PEAK1: variants seen among roughly 807,000 people sequenced by gnomAD.
The protein encoded by PEAK1 is inactive tyrosine-protein kinase PEAK1.
In PEAK1, 54 loss-of-function variants were observed where a neutral mutation model predicts 124.7. The observed-to-expected ratio is 0.43, with a 90% confidence interval of 0.35 to 0.54. The LOEUF is 0.54. Ranked by LOEUF, PEAK1 falls within the 20% of genes least tolerant of loss-of-function variation. The pLI is 0.01. For missense variants in PEAK1, 2,046 were observed against 2,134.5 expected, an observed-to-expected ratio of 0.96 and a Z score of 0.82; for synonymous variants, 719 against 760.0, an observed-to-expected ratio of 0.95 and a Z score of 0.89.
In PEAK1 at chr15:77,229,321, T is replaced by A. The variant is rs149761682; in HGVS notation, c.-115+23046A>T. On this transcript the variant is annotated intron_variant, in intron 6 of 9. Transcript: ENST00000682557. ...TACTCTAAGAACACAATGAAGATTT[T>A]CTGCACTAGGTATGATTTTGTTTCC... 7.9e-5 allele frequency among the ~76,000 whole-genome samples: 12 copies of A among 152,336 alleles called. No homozygotes were observed. In the East Asian group the frequency reaches 2.1e-3, roughly 27 times the overall value.
chr15:77,248,125 G>T (rs1249218608), intron 6 of PEAK1, among the ~76,000 whole-genome samples: 2 of 151,470 alleles, frequency 1.3e-5, no homozygotes, highest in African/African-American at 4.9e-5. Flanking sequence ...TCAAACTCTT[G>T]GCCTCAAGTG....
At chr15:77,396,478 A>C (rs2070894940) in intron 1 of PEAK1, among the ~76,000 whole-genome samples, 1 of 152,118 alleles carries the variant, frequency 6.6e-6, no homozygotes, top group Non-Finnish European at 1.5e-5. Flanking sequence ...ACAGAGTGGC[A>C]GAAAGGATTT....
At chr15:77,153,175 T>C (rs1339923728) in intron 8 of PEAK1, among the ~76,000 whole-genome samples, 1 of 152,214 alleles carries the variant, frequency 6.6e-6, no homozygotes, top group African/African-American at 2.4e-5. Flanking sequence ...GAGCCTGTTA[T>C]TGGTCTATTC....
At chr15:77,302,289 C>T (rs556881531) in intron 2 of PEAK1, among the ~76,000 whole-genome samples, 3 of 152,252 alleles carry the variant, frequency 2.0e-5, no homozygotes, top group Admixed American at 6.5e-5. Context: ...CTAACCTGTG[C>T]ATATACATAT....
intron 1 of PEAK1, among the ~76,000 whole-genome samples, chr15:77,410,800 G>A (rs908720532): frequency 2.6e-5 from 4 of 152,012 alleles, no homozygotes; most frequent in Admixed American, 6.6e-5. Flanking sequence ...TCGACTATTC[G>A]GAGGTAGAAA....
At chr15:77,256,385 T>G (rs1037247103) in intron 5 of PEAK1, among the ~76,000 whole-genome samples, 16 of 151,770 alleles carry the variant, frequency 1.1e-4, no homozygotes, top group African/African-American at 3.6e-4. Flanking sequence ...GCTATTTAAC[T>G]TAATAGTAGC....
At chr15:77,393,656 G>A (rs1352494458) in intron 1 of PEAK1, among the ~76,000 whole-genome samples, 1 of 152,156 alleles carries the variant, frequency 6.6e-6, no homozygotes, top group Admixed American at 6.5e-5. Flanking sequence ...AGGGCCTTGG[G>A]TGAGACTTGG....
At chr15:77,299,800 G>A (rs375186158) in intron 2 of PEAK1, among the ~76,000 whole-genome samples, 1 of 152,182 alleles carries the variant, frequency 6.6e-6, no homozygotes, top group African/African-American at 2.4e-5. Context: ...AAAGATCACT[G>A]ATTACAATAA....
chr15:77,114,634 T>A lies in PEAK1; in HGVS notation c.4763A>T (p.Lys1588Ile), dbSNP rs571282209. 1 of 1,613,910 alleles carries A rather than the reference T, an allele frequency of 6.2e-7. No individual in the cohort carries two copies. The highest frequency in any genetic ancestry group is 1.7e-5 in the Admixed American group (1 of 60,006). Residue 1588 changes from lysine (K) to isoleucine (I), a missense_variant, in exon 10 of 10, where the codon AAA becomes ATA. Transcript: ENST00000682557. Reference protein sequence around the residue: ...APEIITATQYKKCDEFQTGIL... With the variant: ...APEIITATQYIKCDEFQTGIL... ...GCCTGTCTGGAACTCATCACACTTT[T>A]TATACTGGGTAGCTGTTATGATCTC...
chr15:77,271,713 T>C (rs1209372297), intron 5 of PEAK1, among the ~76,000 whole-genome samples: 1 of 152,086 alleles, frequency 6.6e-6, no homozygotes. Flanking sequence ...TTCTCACTCA[T>C]AGGTGGCAAC....
chr15:77,356,326 C>T (rs2067515846), intron 2 of PEAK1, among the ~76,000 whole-genome samples: 1 of 151,926 alleles, frequency 6.6e-6, no homozygotes, highest in Admixed American at 6.6e-5. Context: ...TACTTTAGAT[C>T]ATTCAACTGG....
At chr15:77,205,126 G>A in intron 6 of PEAK1, 1 of 271,880 alleles carries the variant, frequency 3.7e-6, no homozygotes, top group South Asian at 4.2e-5. Flanking sequence ...CTTATCAGTG[G>A]TCACTATTTC....
At chr15:77,270,200 T>A (rs1314324315) in intron 5 of PEAK1, among the ~76,000 whole-genome samples, 1 of 152,130 alleles carries the variant, frequency 6.6e-6, no homozygotes, top group Non-Finnish European at 1.5e-5. Context: ...CTGGAAGCAT[T>A]CCCTTTGAAA....
At chr15:77,101,860 C>T (rs1425493038) in exon 7 of PEAK1, 2 of 152,140 alleles carry the variant, frequency 1.3e-5, no homozygotes, top group African/African-American at 2.4e-5. Context: ...ATGAATCAAG[C>T]CCCTTTCCAT....
chr15:77,295,444 G>A (rs2063436157), intron 2 of PEAK1, among the ~76,000 whole-genome samples: 1 of 152,000 alleles, frequency 6.6e-6, no homozygotes, highest in Non-Finnish European at 1.5e-5. Context: ...TGAAGAACAT[G>A]GTCTTTTCTC....
At chr15:77,218,462 A>G (rs1567128514) in intron 6 of PEAK1, among the ~76,000 whole-genome samples, 1 of 152,080 alleles carries the variant, frequency 6.6e-6, no homozygotes, top group African/African-American at 2.4e-5. Context: ...TTAAACCAAC[A>G]CTGCAACCCT....
intron 6 of PEAK1, among the ~76,000 whole-genome samples, chr15:77,202,475 T>C (rs1339716568): frequency 6.6e-6 from 1 of 151,888 alleles, no homozygotes; most frequent in Non-Finnish European, 1.5e-5. Flanking sequence ...AAGAAAATCA[T>C]CTTTGGGGCT....
rs562734884 is a variant in PEAK1, at chr15:77,237,863, CCTA to C, written c.-115+14501_-115+14503del. Among the ~76,000 whole-genome samples the C allele has an allele frequency of 8.0e-4, 121 of 152,174 alleles. 2 individuals are homozygous for C. The highest frequency in any genetic ancestry group is 1.3e-3 in the Non-Finnish European group (85 of 67,964). Reference sequence around the variant, plus strand: ...TTTTGCTTTGAATTCTCTTGCTATGCCTACTACTTTTTATTTGCCTGATTAATC... The same window carrying C: ...TTTTGCTTTGAATTCTCTTGCTATGCCTACTTTTTATTTGCCTGATTAATC... On this transcript the variant is annotated intron_variant, in intron 6 of 9. Coordinates refer to ENST00000682557, the MANE Select transcript of PEAK1 (RefSeq NM_001385026.1).
rs145983071 is a variant in PEAK1, at chr15:77,355,955, G to A, written c.-603+9208C>T. The A allele has an allele frequency of 1.4e-4, 136 of 983,528 alleles. 1 individual carries two copies. In the African/African-American group the frequency reaches 2.3e-3, roughly 17 times the overall value. 60.9% of individuals were successfully genotyped at this position (983,528 alleles called of 1,614,324 possible). A position where few individuals can be genotyped will look rare whatever the true frequency, so the allele number is the denominator to read the frequency against. ...GAATGGTGGCTTAGGCCTGAGACAA[G>A]AGGCAGTCCAGCAAAGCTGTGGGAT... On this transcript the variant is annotated intron_variant, in intron 2 of 9. Coordinates refer to ENST00000682557, the MANE Select transcript of PEAK1 (RefSeq NM_001385026.1).
Sources: allele counts gnomAD v4.1 joint callset (sites outside exome capture counted in the v4.1 genomes callset), GRCh38; gene constraint gnomAD v4.1.1; transcripts MANE v1.5; gene names NCBI Gene and HGNC (gene_info 2026-07-23, HGNC 2026-07-21).